BNC2: variants seen among roughly 807,000 people sequenced by gnomAD.
BNC2 encodes the protein zinc finger protein basonuclin-2.
BNC2 carries 20 observed loss-of-function variants against 76.3 expected under a neutral mutation model. That is an observed-to-expected ratio of 0.26 (90% confidence interval 0.18 to 0.38). The LOEUF (loss-of-function observed/expected upper bound fraction) is 0.38, where lower values mean the gene tolerates loss of function less well. Ranked by LOEUF, BNC2 falls within the 10% of genes least tolerant of loss-of-function variation. The pLI is 1.00. For missense variants in BNC2, 1,382 were observed against 1,399.8 expected (o/e 0.99, Z 0.20); for synonymous variants, 582 against 514.8 (o/e 1.13, Z -1.77).
chr9:16,683,186 A>G (rs772317652), intron 3 of BNC2, among the ~76,000 whole-genome samples: 3 of 152,192 alleles, frequency 2.0e-5, no homozygotes, highest in African/African-American at 4.8e-5. Context: ...CATTGACCAC[A>G]GTAGGGGATC....
intron 3 of BNC2, among the ~76,000 whole-genome samples, chr9:16,629,118 G>A (rs1458216046): frequency 6.6e-6 from 1 of 152,184 alleles, no homozygotes; most frequent in Admixed American, 6.5e-5. Context: ...TTCACATACA[G>A]AGAAGTCAAA....
At position 16,419,575 on chromosome 9, in the gene BNC2, T is replaced by TTA; in HGVS notation, c.2713_2714insTA (p.Gln905LeufsTer15). 6.2e-7 allele frequency: 1 copy of TTA among 1,610,018 alleles called. No homozygotes were observed. Among genetic ancestry groups the TTA allele is most frequent in the Non-Finnish European group, 8.5e-7 (1 of 1,178,296 alleles). ...GCGGAGGTCCTTGCTAAGGGAGGGC[T>TTA]GCGACGAGTCCAGGCCCATGTCATC... is the stretch of plus-strand genomic sequence containing the variant. On this transcript the variant is annotated frameshift_variant, in exon 7 of 7. Coordinates refer to ENST00000380672, the MANE Select transcript of BNC2 (RefSeq NM_017637.6). LOFTEE classifies it high-confidence loss of function.
chr9:16,500,005 C>T (rs191200900), intron 5 of BNC2, among the ~76,000 whole-genome samples: 135 of 152,008 alleles, frequency 8.9e-4, no homozygotes, highest in African/African-American at 2.8e-3. Flanking sequence ...TGAAATGGGG[C>T]CCCATTTCAT....
intron 1 of BNC2, among the ~76,000 whole-genome samples, chr9:16,747,182 G>A (rs1022144372): frequency 6.6e-6 from 1 of 151,988 alleles, no homozygotes; most frequent in Admixed American, 6.6e-5. Flanking sequence ...TCTTCACAGG[G>A]TACATAAATA....
At chr9:16,607,509 T>C (rs1271235720) in intron 3 of BNC2, among the ~76,000 whole-genome samples, 5 of 152,334 alleles carry the variant, frequency 3.3e-5, no homozygotes, top group South Asian at 4.1e-4. Context: ...GGCTACACTT[T>C]AGGGTAAGTA....
chr9:16,816,926 C>A (rs1818197183), intron 1 of BNC2, among the ~76,000 whole-genome samples: 1 of 152,160 alleles, frequency 6.6e-6, no homozygotes, highest in Non-Finnish European at 1.5e-5. Flanking sequence ...CATCTGCCAG[C>A]CATCTAGGAC....
At chr9:16,850,409 ATAAC>A (rs1244624703) in intron 1 of BNC2, among the ~76,000 whole-genome samples, 3 of 152,252 alleles carry the variant, frequency 2.0e-5, no homozygotes, top group Non-Finnish European at 4.4e-5. Flanking sequence ...AAGAAGCTCC[ATAAC>A]TAGTGGGAGG....
chr9:16,761,305 T>G (rs547258326), intron 1 of BNC2, among the ~76,000 whole-genome samples: 76 of 152,082 alleles, frequency 5.0e-4, no homozygotes, highest in African/African-American at 1.7e-3. Flanking sequence ...GATGAAAAAA[T>G]ATTTCTGGTA....
At chr9:16,675,288 G>C (rs768930343) in intron 3 of BNC2, among the ~76,000 whole-genome samples, 2 of 151,848 alleles carry the variant, frequency 1.3e-5, no homozygotes, top group Admixed American at 1.3e-4. Context: ...GTGTCACCCA[G>C]GCTGGAGTTC....
chr9:16,798,965 T>C (rs1274741394), intron 1 of BNC2, among the ~76,000 whole-genome samples: 1 of 152,126 alleles, frequency 6.6e-6, no homozygotes, highest in Non-Finnish European at 1.5e-5. Flanking sequence ...CCACTTTCTA[T>C]CTATCCAAAT....
chr9:16,537,143 C>A (rs1818154357), intron 5 of BNC2, among the ~76,000 whole-genome samples: 1 of 152,012 alleles, frequency 6.6e-6, no homozygotes, highest in Non-Finnish European at 1.5e-5. Flanking sequence ...TTTTCAACTA[C>A]CCTGGATAGA....
intron 1 of BNC2, among the ~76,000 whole-genome samples, chr9:16,828,757 G>C (rs549589388): frequency 1.3e-5 from 2 of 152,300 alleles, no homozygotes; most frequent in South Asian, 4.1e-4. Flanking sequence ...GTTAGCTCCA[G>C]CTATTTCTGT....
intron 1 of BNC2, among the ~76,000 whole-genome samples, chr9:16,788,040 C>G (rs1464301951): frequency 6.6e-6 from 1 of 152,100 alleles, no homozygotes; most frequent in Non-Finnish European, 1.5e-5. Flanking sequence ...ATGTAGTACC[C>G]TCAAACATAC....
chr9:16,710,100 C>T (rs190701070), intron 3 of BNC2, among the ~76,000 whole-genome samples: 85 of 148,366 alleles, frequency 5.7e-4, no homozygotes, highest in African/African-American at 2.0e-3. Flanking sequence ...AGATGCTAAA[C>T]ATGATGGGCA....
chr9:16,780,328 C>T lies in BNC2; in HGVS notation c.4-41843G>A, dbSNP rs534798507. Among the ~76,000 whole-genome samples the T allele has an allele frequency of 8.6e-3, 1,293 of 150,922 alleles. 19 individuals carry two copies. The highest frequency in any genetic ancestry group is 0.029 in the African/African-American group (1,209 of 41,118). ...GTGGCTCACGCCTGTAATCCCAGCA[C>T]TGTGGGAGGCCGAGGCTGGCAGATC... On this transcript the variant is annotated intron_variant, in intron 1 of 6. Coordinates refer to ENST00000380672, the MANE Select transcript of BNC2 (RefSeq NM_017637.6).
chr9:16,705,640 T>C (rs901461439), intron 3 of BNC2, among the ~76,000 whole-genome samples: 3 of 148,384 alleles, frequency 2.0e-5, no homozygotes, highest in Admixed American at 6.9e-5. Context: ...TCGAGTTGTA[T>C]GATAGTGTGG....
chr9:16,592,933 C>A (rs1819973183), intron 3 of BNC2, among the ~76,000 whole-genome samples: 1 of 151,866 alleles, frequency 6.6e-6, no homozygotes, highest in South Asian at 2.1e-4. Flanking sequence ...CTAATATATC[C>A]ATTTAAAAAT....
intron 1 of BNC2, among the ~76,000 whole-genome samples, chr9:16,815,242 T>G (rs1039412381): frequency 6.6e-6 from 1 of 151,762 alleles, no homozygotes; most frequent in South Asian, 2.1e-4. Flanking sequence ...ACAGCTGGAG[T>G]GTAGGGTAAA....
At chr9:16,476,460 G>C (rs2131440489) in intron 5 of BNC2, among the ~76,000 whole-genome samples, 1 of 151,702 alleles carries the variant, frequency 6.6e-6, no homozygotes, top group Non-Finnish European at 1.5e-5. Flanking sequence ...CTCATTAATT[G>C]CAACTCATCC....
Sources: gnomAD v4.1 joint callset for allele counts (sites outside exome capture counted in the v4.1 genomes callset) on GRCh38, gnomAD v4.1.1 for gene constraint, MANE v1.5 for transcripts, NCBI Gene and HGNC (gene_info 2026-07-23, HGNC 2026-07-21) for gene names.